Variants in LARP1 observed in about 807,000 individuals in gnomAD.
LARP1 encodes the protein La ribonucleoprotein 1, translational regulator, also known as la-related protein 1.
Under a neutral mutation model 122.7 loss-of-function variants are expected in LARP1, and 36 were observed. The ratio of observed to expected loss-of-function variants is 0.29; its 90% CI spans 0.22 to 0.39. LARP1 has a LOEUF of 0.39. Ranked by LOEUF, LARP1 falls within the 10% of genes least tolerant of loss-of-function variation. The pLI is 1.00. For missense variants in LARP1, 1,040 were observed against 1,403.6 expected (o/e 0.74, Z 4.14); for synonymous variants, 539 against 528.7 (o/e 1.02, Z -0.27).
intron 1 of LARP1, among the ~76,000 whole-genome samples, chr5:154,774,402 C>T (rs536194714): frequency 7.9e-5 from 12 of 152,154 alleles, no homozygotes; most frequent in African/African-American, 2.9e-4. Context: ...AGGGTCTGCT[C>T]CAGGGAGTGA....
Position 154,755,614 on chromosome 5 carries a change from C to A in LARP1, c.-144C>A. Reference sequence around the variant, plus strand: ...TGCATCTAACTGGGAGGGGGCCGCACCTCGCGTGAACCCCGACCCTTCTCT... The same window carrying A: ...TGCATCTAACTGGGAGGGGGCCGCAACTCGCGTGAACCCCGACCCTTCTCT... On this transcript the variant is annotated 5_prime_UTR_variant, in exon 1 of 19. Transcript: ENST00000518297. The A allele has an allele frequency of 2.0e-6, 2 of 987,534 alleles. No homozygotes were observed. The highest frequency in any genetic ancestry group is 2.4e-6 in the Non-Finnish European group (2 of 830,150). 61.2% of individuals were successfully genotyped at this position (987,534 alleles called of 1,614,324 possible). A position where few individuals can be genotyped will look rare whatever the true frequency, so the allele number is the denominator to read the frequency against.
At chr5:154,790,575 G>T in intron 2 of LARP1, 70 bp from the exon 3 acceptor site, 1 of 1,548,400 alleles carries the variant, frequency 6.5e-7, no homozygotes, top group Non-Finnish European at 8.9e-7. Flanking sequence ...TCTTGGTGAA[G>T]CTTGGGTCGG....
At position 154,706,741 on chromosome 5, in the gene LARP1, C is replaced by A. The variant is rs1202791235; in HGVS notation, c.-180+23704C>A. 9.0e-4 allele frequency among the ~76,000 whole-genome samples: 134 copies of A among 148,386 alleles called. 1 individual carries two copies. Among genetic ancestry groups the A allele is most frequent in the African/African-American group, 2.9e-3 (118 of 40,468 alleles). ...GTTGGAAAGTTGGAAAAAAAAAAAA[C>A]AAAAAACTTAACCTAAAGTAATCAG... On this transcript the variant is annotated intron_variant, in intron 1 of 18. Coordinates refer to the LARP1 transcript ENST00000687700.
At chr5:154,695,889 C>T (rs112689123) in intron 1 of LARP1, among the ~76,000 whole-genome samples, 6,115 of 151,876 alleles carry the variant, frequency 0.04, 407 homozygotes, top group African/African-American at 0.14. Context: ...AAAAAAATTA[C>T]AATATATTGC....
At chr5:154,730,863 CTTT>C (rs60848864) in intron 1 of LARP1, among the ~76,000 whole-genome samples, 3 of 127,786 alleles carry the variant, frequency 2.3e-5, no homozygotes, top group Non-Finnish European at 3.3e-5. Context: ...ACCATTCTGA[CTTT>C]TTTTTTTTTT....
intron 3 of LARP1, among the ~76,000 whole-genome samples, chr5:154,791,417 G>A (rs1041625268): frequency 6.6e-6 from 1 of 151,912 alleles, no homozygotes; most frequent in African/African-American, 2.4e-5. Context: ...TTACCATGTT[G>A]GCCAGGCTGG....
chr5:154,811,166 A>G (rs1393458442), intron 16 of LARP1, 81 bp from the exon 17 acceptor site: 3 of 1,012,422 alleles, frequency 3.0e-6, no homozygotes, highest in African/African-American at 1.6e-5. Context: ...AAACTGTTTC[A>G]TAGTTCCTCT....
intron 1 of LARP1, among the ~76,000 whole-genome samples, chr5:154,757,555 C>G (rs1043344888): frequency 1.3e-5 from 2 of 152,040 alleles, no homozygotes; most frequent in Non-Finnish European, 2.9e-5. Flanking sequence ...TTTTAAAAAA[C>G]TCACCTGCCG....
chr5:154,801,383 C>G (rs1181640857), intron 10 of LARP1, among the ~76,000 whole-genome samples: 1 of 152,224 alleles, frequency 6.6e-6, no homozygotes. Flanking sequence ...CATCCACAAA[C>G]CTGCTTATAG....
At chr5:154,701,313 T>C (rs1754701602) in intron 1 of LARP1, among the ~76,000 whole-genome samples, 1 of 152,220 alleles carries the variant, frequency 6.6e-6, no homozygotes, top group African/African-American at 2.4e-5. Context: ...TGATGTTTAC[T>C]TGGTCTCAAT....
At chr5:154,686,746 C>T (rs555949932) in intron 1 of LARP1, among the ~76,000 whole-genome samples, 1 of 152,288 alleles carries the variant, frequency 6.6e-6, no homozygotes, top group South Asian at 2.1e-4. Context: ...GATTGGCACA[C>T]ATGGGAGTTG....
intron 1 of LARP1, among the ~76,000 whole-genome samples, chr5:154,747,889 C>T (rs1753285915): frequency 6.6e-6 from 1 of 152,168 alleles, no homozygotes. Context: ...CAGTGTCTCC[C>T]TTTGTCACCC....
At chr5:154,721,929 G>T (rs574387865) in intron 1 of LARP1, among the ~76,000 whole-genome samples, 1 of 152,082 alleles carries the variant, frequency 6.6e-6, no homozygotes, top group Non-Finnish European at 1.5e-5. Flanking sequence ...CCAGCACAAT[G>T]ACACAGTCAG....
chr5:154,808,474 G>C lies in LARP1; in HGVS notation c.2714G>C (p.Gly905Ala), dbSNP rs188624698. 1.2e-6 allele frequency: 2 copies of C among 1,613,062 alleles called. No individual in the cohort carries two copies. Among genetic ancestry groups the C allele is most frequent in the Non-Finnish European group, 1.7e-6 (2 of 1,179,782 alleles). ...RRCLNERKRL[G>A]IGQSQEMNTL... Reference sequence around the variant, plus strand: ...TTCCCATCAGAGCGGAAACGCTTGGGCATTGGCCAGTCTCAGGAGATGAAC... The same window carrying C: ...TTCCCATCAGAGCGGAAACGCTTGGCCATTGGCCAGTCTCAGGAGATGAAC... The change falls in exon 16 of 19, where the codon GGC becomes GCC. Residue 905 changes from glycine (G) to alanine (A), a missense_variant. Around this residue, in one of 8 missense-constraint regions of LARP1, gnomAD observed 59 missense variants for 137.2 expected, o/e 0.43. Transcript: ENST00000518297.
chr5:154,763,871 G>A (rs904278561), intron 1 of LARP1, among the ~76,000 whole-genome samples: 2 of 151,834 alleles, frequency 1.3e-5, no homozygotes, highest in East Asian at 1.9e-4. Flanking sequence ...AAAATTAGTC[G>A]AGCATGGTGG....
At chr5:154,736,535 T>TA (rs1756907121) in intron 1 of LARP1, among the ~76,000 whole-genome samples, 1 of 133,182 alleles carries the variant, frequency 7.5e-6, no homozygotes, top group African/African-American at 2.8e-5. Context: ...GCCTGGCCTA[T>TA]TTTTATTTAT....
chr5:154,718,119 A>G (rs1755625698), intron 1 of LARP1, among the ~76,000 whole-genome samples: 1 of 151,748 alleles, frequency 6.6e-6, no homozygotes, highest in Non-Finnish European at 1.5e-5. Context: ...ACGGGGTCTC[A>G]CTTTGTTGCC....
At chr5:154,741,836 T>G (rs1415911259) in intron 1 of LARP1, among the ~76,000 whole-genome samples, 1 of 152,194 alleles carries the variant, frequency 6.6e-6, no homozygotes, top group Admixed American at 6.6e-5. Context: ...GCAGACATAC[T>G]GTAACATTTC....
intron 1 of LARP1, among the ~76,000 whole-genome samples, chr5:154,733,567 CTTTT>C (rs11350739): frequency 7.1e-6 from 1 of 141,722 alleles, no homozygotes; most frequent in Admixed American, 7.1e-5. Flanking sequence ...TTCTTTCTTT[CTTTT>C]TTTTTTTTGG....
Sources: allele counts gnomAD v4.1 joint callset (sites outside exome capture counted in the v4.1 genomes callset), GRCh38; gene constraint gnomAD v4.1.1; regional missense constraint gnomAD v4.1.1; transcripts MANE v1.5; gene names NCBI Gene and HGNC (gene_info 2026-07-23, HGNC 2026-07-21).